The following EPM2A variants were observed in gnomAD, a reference collection of about 807,000 sequenced individuals.
EPM2A encodes laforin.
In EPM2A, 21 loss-of-function variants were observed where a neutral mutation model predicts 26.5. The ratio of observed to expected loss-of-function variants is 0.79; its 90% confidence interval spans 0.56 to 1.14. The LOEUF (loss-of-function observed/expected upper bound fraction) is 1.14. Ranked by LOEUF, EPM2A falls within the 50% of genes most tolerant of loss-of-function variation. The pLI is 0.00. For missense variants in EPM2A, 458 were observed against 440.8 expected, an observed-to-expected ratio of 1.04 and a Z score of -0.35; for synonymous variants, 217 against 177.6, an observed-to-expected ratio of 1.22 and a Z score of -1.76.
intron 2 of EPM2A, among the ~76,000 whole-genome samples, chr6:145,653,873 A>AT (rs1282553146): frequency 3.9e-5 from 6 of 152,212 alleles, no homozygotes; most frequent in African/African-American, 1.4e-4. Context: ...CACTAGAATA[A>AT]TGTTTGACTG....
chr6:145,544,962 T>C (rs1290868602), intron 2 of EPM2A, among the ~76,000 whole-genome samples: 1 of 152,198 alleles, frequency 6.6e-6, no homozygotes, highest in Non-Finnish European at 1.5e-5. Flanking sequence ...AATCATAAGG[T>C]TGAACAACAT....
chr6:145,479,325 A>C (rs1018278811), intron 4 of EPM2A, among the ~76,000 whole-genome samples: 17 of 148,424 alleles, frequency 1.1e-4, no homozygotes, highest in Admixed American at 6.8e-4. Flanking sequence ...GTGTATATAT[A>C]TATATATGAT....
At chr6:145,731,613 C>T (rs1405265412) in intron 1 of EPM2A, among the ~76,000 whole-genome samples, 1 of 152,016 alleles carries the variant, frequency 6.6e-6, no homozygotes, top group Non-Finnish European at 1.5e-5. Context: ...CATCACACAC[C>T]AAGGCCTGTT....
intron 4 of EPM2A, among the ~76,000 whole-genome samples, chr6:145,406,835 G>A (rs778304297): frequency 7.2e-5 from 11 of 152,086 alleles, no homozygotes; most frequent in Non-Finnish European, 1.5e-4. Context: ...CAAATCCTTA[G>A]GTCACATTTC....
intron 1 of EPM2A, chr6:145,734,517 T>C (rs1242503542): frequency 6.6e-6 from 1 of 152,136 alleles, no homozygotes; most frequent in Non-Finnish European, 1.5e-5. Context: ...AGGTCATGTC[T>C]CAATTGTCAT....
At chr6:145,464,302 C>A (rs1779360215) in intron 4 of EPM2A, among the ~76,000 whole-genome samples, 1 of 152,128 alleles carries the variant, frequency 6.6e-6, no homozygotes, top group South Asian at 2.1e-4. Context: ...GAGGCCTCCC[C>A]AGCCATGCAG....
At chr6:145,655,080 T>G (rs1778170387) in intron 2 of EPM2A, among the ~76,000 whole-genome samples, 1 of 152,028 alleles carries the variant, frequency 6.6e-6, no homozygotes, top group Non-Finnish European at 1.5e-5. Flanking sequence ...TGTGTGACCA[T>G]GTGGAAGCAC....
At chr6:145,677,567 A>G (rs1032249985) in intron 2 of EPM2A, among the ~76,000 whole-genome samples, 1 of 152,246 alleles carries the variant, frequency 6.6e-6, no homozygotes, top group Non-Finnish European at 1.5e-5. Flanking sequence ...TTAAGCTGAT[A>G]CACAACTTCA....
chr6:145,394,761 C>T (rs1238853704), intron 4 of EPM2A, among the ~76,000 whole-genome samples: 1 of 152,120 alleles, frequency 6.6e-6, no homozygotes, highest in Non-Finnish European at 1.5e-5. Context: ...TTTCAGCACC[C>T]TGTCAATCCA....
At chr6:145,569,572 G>A (rs1416414116) in intron 2 of EPM2A, among the ~76,000 whole-genome samples, 2 of 152,110 alleles carry the variant, frequency 1.3e-5, no homozygotes, top group African/African-American at 4.8e-5. Flanking sequence ...GATCTCATTT[G>A]TCCCCATCTA....
chr6:145,493,795 T>G (rs1367370086), intron 4 of EPM2A, among the ~76,000 whole-genome samples: 8 of 152,212 alleles, frequency 5.3e-5, no homozygotes, highest in Admixed American at 5.2e-4. Context: ...ATTAATTGAT[T>G]TGTGTATATT....
At chr6:145,661,358 G>T (rs1006716334) in intron 2 of EPM2A, among the ~76,000 whole-genome samples, 1 of 152,116 alleles carries the variant, frequency 6.6e-6, no homozygotes, top group Admixed American at 6.5e-5. Flanking sequence ...TAGTCATAGT[G>T]ACCAGAACAA....
chr6:145,625,178 G>T (rs777192448), downstream of EPM2A: 1 of 153,058 alleles, frequency 6.5e-6, no homozygotes, highest in African/African-American at 2.4e-5. Flanking sequence ...ATTGAAAGAG[G>T]AAGAGTGACA....
chr6:145,726,806 T>C (rs1776234344), intron 1 of EPM2A, among the ~76,000 whole-genome samples: 1 of 152,072 alleles, frequency 6.6e-6, no homozygotes, highest in Non-Finnish European at 1.5e-5. Flanking sequence ...TGTAATGTGG[T>C]CATATAGATA....
intron 2 of EPM2A, among the ~76,000 whole-genome samples, chr6:145,512,259 A>G (rs1219980099): frequency 6.6e-6 from 1 of 152,224 alleles, no homozygotes; most frequent in Admixed American, 6.5e-5. Flanking sequence ...CCTAAAGTAT[A>G]TATAAAACCA....
At chr6:145,455,415 T>TGA (rs1779251304) in intron 4 of EPM2A, among the ~76,000 whole-genome samples, 1 of 152,202 alleles carries the variant, frequency 6.6e-6, no homozygotes, top group Non-Finnish European at 1.5e-5. Context: ...TAGAGTACAG[T>TGA]GGCGGGATCT....
At chr6:145,483,808 T>C (rs1357760902) in intron 4 of EPM2A, among the ~76,000 whole-genome samples, 4 of 152,174 alleles carry the variant, frequency 2.6e-5, no homozygotes. Flanking sequence ...AACACCATGA[T>C]CAAGCCTTTC....
chr6:145,635,471 G>A lies in EPM2A; in HGVS notation c.492C>T (p.Ile164=). ...AMHYSRILPN[I]WLGSCPRQVE... is the part of the protein sequence containing the mutation. Reference sequence around the variant, plus strand: ...CCTGACGAGGGCAGCTACCCAGCCAGATATTTGGTAGAATTCTAATGAGAA... The same window carrying A: ...CCTGACGAGGGCAGCTACCCAGCCAAATATTTGGTAGAATTCTAATGAGAA... The change falls in exon 3 of 4, where the codon ATC becomes ATT. Residue 164 remains isoleucine, a synonymous_variant. Coordinates refer to ENST00000367519, the MANE Select transcript of EPM2A (RefSeq NM_005670.4). 1 of 1,614,008 alleles carries A rather than the reference G, an allele frequency of 6.2e-7. No homozygotes were observed. The highest frequency in any genetic ancestry group is 8.5e-7 in the Non-Finnish European group (1 of 1,179,860).
rs34841136 is a variant in EPM2A at position 145,643,843 on chromosome 6, G to GA, written c.477-8358dup. Among the ~76,000 whole-genome samples, 74 of 149,324 alleles carry GA rather than the reference G, an allele frequency of 5.0e-4. 2 individuals carry two copies. Among genetic ancestry groups the GA allele is most frequent in the Admixed American group, 8.7e-4 (13 of 14,870 alleles). ...TTGAGCAACAACATTATAATTTTCT[G>GA]AAAAAAAAAAATAGTTTTGGATAGG... On this transcript the variant is annotated intron_variant, in intron 2 of 3. Transcript: ENST00000367519.
Sources: allele counts gnomAD v4.1 joint callset (sites outside exome capture counted in the v4.1 genomes callset), GRCh38; gene constraint gnomAD v4.1.1; transcripts MANE v1.5; gene names NCBI Gene and HGNC (gene_info 2026-07-23, HGNC 2026-07-21).